Variants in TDRKH observed in about 807,000 individuals in gnomAD.
The protein encoded by TDRKH is tudor and KH domain containing, also known as tudor and KH domain-containing protein.
Under a neutral mutation model 61.3 loss-of-function variants are expected in TDRKH, and 28 were observed. That is an observed-to-expected ratio of 0.46 (90% CI 0.34 to 0.63). The LOEUF (loss-of-function observed/expected upper bound fraction) is 0.63. Among genes scored for constraint, TDRKH ranks in the 20% least tolerant of loss-of-function variants. The probability of loss-of-function intolerance (pLI) is 0.01; values close to 1 mark genes in which losing one functional copy is unlikely to be tolerated. For synonymous variants in TDRKH, 219 were observed against 244.4 expected (o/e 0.90, Z 0.97); for missense variants, 540 against 683.4 (o/e 0.79, Z 2.34).
At chr1:151,786,321 A>C (rs1016719332) in intron 1 of TDRKH, among the ~76,000 whole-genome samples, 2 of 152,210 alleles carry the variant, frequency 1.3e-5, no homozygotes, top group African/African-American at 2.4e-5. Flanking sequence ...TGAAAACTAT[A>C]GGTTTTTTCA....
At chr1:151,771,487 C>T (rs184645265), downstream of TDRKH, 11 of 566,398 alleles carry the variant, frequency 1.9e-5, no homozygotes, top group Admixed American at 4.3e-5. Context: ...TCCTCCATGC[C>T]CCAAACTATT....
downstream of TDRKH, chr1:151,766,788 AACT>A: frequency 6.3e-7 from 1 of 1,584,702 alleles, no homozygotes; most frequent in South Asian, 1.1e-5. Context: ...AAAAACACGT[AACT>A]ACCTCTACCC....
intron 6 of TDRKH, among the ~76,000 whole-genome samples, chr1:151,776,833 T>C (rs909330233): frequency 1.3e-5 from 2 of 152,254 alleles, no homozygotes; most frequent in Admixed American, 6.5e-5. Flanking sequence ...ATGTGCTACA[T>C]AGTCAAATCG....
At position 151,782,903 on chromosome 1, in the gene TDRKH, G is replaced by A; in HGVS notation, c.120C>T (p.Ser40=). 3.7e-6 allele frequency: 6 copies of A among 1,605,538 alleles called. No homozygotes were observed. Among genetic ancestry groups the A allele is most frequent in the Non-Finnish European group, 5.1e-6 (6 of 1,176,550 alleles). Residue 40 remains serine, a synonymous_variant, in exon 2 of 13, where the codon AGC becomes AGT. Transcript: ENST00000368824. ...ACAGTCATAGGGTTCACGTACCTCT[G>A]CTTTCCCTATACCTGCGGTATAGGA... ...AYILYRRYRE[S]REERLTFVGE...
At position 151,774,329 on chromosome 1, in the gene TDRKH, T is replaced by C. The variant is rs2101575848; in HGVS notation, c.*123A>G. The C allele has an allele frequency of 1.1e-6, 1 of 948,652 alleles. No homozygotes were observed. The highest frequency in any genetic ancestry group is 1.6e-6 in the Non-Finnish European group (1 of 627,030). The allele number at this position is 948,652 out of a possible 1,614,324, so 58.8% of individuals were successfully genotyped here. A position where few individuals can be genotyped will look rare whatever the true frequency, so the allele number is the denominator to read the frequency against. ...CAGAGAAGTATATTAAGACAGGGCA[T>C]GGGAAAGAGGGAATCAAAGCAAGTG... is the stretch of plus-strand genomic sequence containing the variant. On this transcript the variant is annotated 3_prime_UTR_variant, in exon 13 of 13. Coordinates refer to ENST00000368824, the MANE Select transcript of TDRKH (RefSeq NM_001083965.2).
At chr1:151,780,390 A>T (rs1203626952) in intron 3 of TDRKH, among the ~76,000 whole-genome samples, 2 of 152,230 alleles carry the variant, frequency 1.3e-5, no homozygotes, top group Non-Finnish European at 2.9e-5. Context: ...AAACCCATTT[A>T]TCTTTGTGTT....
chr1:151,781,642 A>G, intron 2 of TDRKH, 55 bp from the exon 3 acceptor site: 1 of 1,491,362 alleles, frequency 6.7e-7, no homozygotes. Flanking sequence ...AAGCTAGTAT[A>G]ACTACCAGTC....
At chr1:151,781,328 A>T (rs866480322) in intron 3 of TDRKH, among the ~76,000 whole-genome samples, 153 bp downstream of exon 3, 1,125 of 67,702 alleles carry the variant, frequency 0.017, 34 homozygotes, top group African/African-American at 0.045. Context: ...AAAAAAAAAA[A>T]ATATATATAT....
downstream of TDRKH, among the ~76,000 whole-genome samples, chr1:151,773,175 T>G (rs917981521): frequency 6.6e-6 from 1 of 152,188 alleles, no homozygotes; most frequent in Non-Finnish European, 1.5e-5. Context: ...CCCACGCAGC[T>G]GGGACAACAG....
chr1:151,775,261 C>T (rs939095388), intron 10 of TDRKH, 95 bp from the exon 11 acceptor site: 68 of 1,555,946 alleles, frequency 4.4e-5, no homozygotes, highest in Non-Finnish European at 1.7e-5. Flanking sequence ...TAAAGACATT[C>T]CTTTGGTGAG....
downstream of TDRKH, chr1:151,768,048 C>T (rs771301301): frequency 1.8e-5 from 29 of 1,613,906 alleles, no homozygotes; most frequent in East Asian, 6.0e-4. Context: ...CATTTTTACT[C>T]CTTTTCCAGG....
At chr1:151,776,692 T>C (rs972633630) in intron 6 of TDRKH, 93 bp from the exon 7 acceptor site, 54 of 1,430,260 alleles carry the variant, frequency 3.8e-5, no homozygotes, top group South Asian at 1.4e-5. Flanking sequence ...CAAATACCAA[T>C]GGCTGTTACC....
downstream of TDRKH, among the ~76,000 whole-genome samples, chr1:151,772,387 C>T (rs1648761992): frequency 6.6e-6 from 1 of 152,108 alleles, no homozygotes; most frequent in South Asian, 2.1e-4. Context: ...CCACCGGTGC[C>T]TGGCTAATAC....
intron 1 of TDRKH, among the ~76,000 whole-genome samples, chr1:151,789,530 G>T (rs977172858): frequency 1.3e-5 from 2 of 152,210 alleles, no homozygotes; most frequent in African/African-American, 4.8e-5. Context: ...TGTTCAGTGA[G>T]GAATGTGGTT....
chr1:151,783,140 G>A, intron 1 of TDRKH, 91 bp from the exon 2 acceptor site: 1 of 1,176,356 alleles, frequency 8.5e-7, no homozygotes, highest in Non-Finnish European at 1.2e-6. Flanking sequence ...TTACTGAAAA[G>A]ACTACTACTG....
Position 151,781,680 on chromosome 1 carries a change from C to T in TDRKH, c.125-93G>A, listed in dbSNP as rs967086059. The T allele has an allele frequency of 4.6e-6, 5 of 1,077,344 alleles. No homozygotes were observed. The Admixed American group carries it at 1.0e-4, about 23-fold the overall frequency. 66.7% of individuals were successfully genotyped at this position (1,077,344 alleles called of 1,614,324 possible). A position where few individuals can be genotyped will look rare whatever the true frequency, so the allele number is the denominator to read the frequency against. On this transcript the variant is annotated intron_variant, in intron 2 of 12. Coordinates refer to ENST00000368824, the MANE Select transcript of TDRKH (RefSeq NM_001083965.2). Reference sequence around the variant, plus strand: ...CCCCAGAATCTGGCTGTCAAAGAGACACTGATCCAAGAGATAAAGTGAGGA... The same window carrying T: ...CCCCAGAATCTGGCTGTCAAAGAGATACTGATCCAAGAGATAAAGTGAGGA...
chr1:151,766,793 CCTCTACCCGAT>C, downstream of TDRKH: 1 of 1,590,096 alleles, frequency 6.3e-7, no homozygotes, highest in Non-Finnish European at 8.6e-7. Flanking sequence ...CACGTAACTA[CCTCTACCCGAT>C]CTGGTCACCA....
chr1:151,778,549 TA>T (rs1300469895), intron 6 of TDRKH, 135 bp downstream of exon 6: 4 of 1,549,396 alleles, frequency 2.6e-6, no homozygotes, highest in Admixed American at 1.7e-5. Flanking sequence ...CAAAATATCT[TA>T]CCGAATCTTC....
Position 151,778,678 on chromosome 1 carries a change from T to C in TDRKH, c.883+7A>G, listed in dbSNP as rs200251170. 624 of 1,611,338 alleles carry C rather than the reference T, an allele frequency of 3.9e-4. 1 individual carries two copies. The highest frequency in any genetic ancestry group is 5.1e-4 in the Non-Finnish European group (603 of 1,178,808). The stretch of plus-strand genomic sequence containing the variant: ...AATGATTAATGGGCTCCCTCTTTGT[T>C]ACATACTTTCAAACATGGGCATCTC... On this transcript the variant is annotated splice_region_variant and intron_variant, in intron 6 of 12. Transcript: ENST00000368824.
Sources: allele counts gnomAD v4.1 joint callset (sites outside exome capture counted in the v4.1 genomes callset), GRCh38; gene constraint gnomAD v4.1.1; transcripts MANE v1.5; gene names NCBI Gene and HGNC (gene_info 2026-07-23, HGNC 2026-07-21).